Variants in MLX observed in about 807,000 individuals in gnomAD.
The protein encoded by MLX is max-like protein X.
Under a neutral mutation model 33.0 loss-of-function variants are expected in MLX, and 15 were observed. The ratio of observed to expected loss-of-function variants is 0.45; its 90% CI spans 0.30 to 0.70. The LOEUF (loss-of-function observed/expected upper bound fraction) is 0.70, where lower values mean the gene tolerates loss of function less well. MLX is among the 30% of genes least tolerant of loss of function. MLX has a pLI of 0.07. For synonymous variants in MLX, 115 were observed against 115.6 expected, an observed-to-expected ratio of 0.99 and a Z score of 0.03; for missense variants, 285 against 306.3, an observed-to-expected ratio of 0.93 and a Z score of 0.52.
intron 7 of MLX, among the ~76,000 whole-genome samples, chr17:42,571,058 C>CATT (rs1365844146): frequency 6.6e-6 from 1 of 151,942 alleles, no homozygotes; most frequent in Non-Finnish European, 1.5e-5. Flanking sequence ...TTTACCGAAA[C>CATT]ATTTTACTAT....
intron 1 of MLX, 151 bp from the exon 2 acceptor site, chr17:42,567,468 C>T (rs2093012887): frequency 2.1e-6 from 3 of 1,421,160 alleles, no homozygotes; most frequent in Admixed American, 4.5e-5. Flanking sequence ...ATTAAGCTGC[C>T]CGCGCACCCC....
rs760763453 is a variant in MLX at position 42,567,582 on chromosome 17, G to C, written c.43-37G>C. 17 of 1,613,584 alleles carry C rather than the reference G, an allele frequency of 1.1e-5. No homozygotes were observed. The Admixed American group carries it at 2.8e-4, about 27-fold the overall frequency. The stretch of plus-strand genomic sequence containing the variant: ...GAAGGGGCGCCTCCCCCTAGGGGCG[G>C]AGGTCTGACGGGCCCTTCCCGTGCT... On this transcript the variant is annotated intron_variant, in intron 1 of 7. Coordinates refer to ENST00000435881, the MANE Select transcript of MLX (RefSeq NM_198204.2).
rs149230650 is a variant in MLX, at chr17:42,572,988, C to T, written c.*1385C>T. On this transcript the variant is annotated 3_prime_UTR_variant, in exon 8 of 8. Transcript: ENST00000435881. ...GCCCCTCAGGGGTCTGGGAGTGTGA[C>T]GTTGTAATCTTCATCCGTCTCTATC... 2.6e-5 allele frequency: 42 copies of T among 1,614,216 alleles called. No individual in the cohort carries two copies. In the East Asian group the frequency reaches 4.7e-4, roughly 18 times the overall value.
At chr17:42,567,321 G>T in intron 1 of MLX, 155 bp downstream of exon 1, 9 of 1,390,312 alleles carry the variant, frequency 6.5e-6, no homozygotes, top group Non-Finnish European at 8.5e-6. Flanking sequence ...CACCCCGCGT[G>T]TGCCAAGGTG....
rs1209860578 is a variant in MLX at position 42,571,621 on chromosome 17, G to C, written c.*18G>C. The C allele has an allele frequency of 2.5e-6, 4 of 1,607,772 alleles. No homozygotes were observed. Among genetic ancestry groups the C allele is most frequent in the Non-Finnish European group, 3.4e-6 (4 of 1,174,744 alleles). On this transcript the variant is annotated 3_prime_UTR_variant, in exon 8 of 8. Coordinates refer to ENST00000435881, the MANE Select transcript of MLX (RefSeq NM_198204.2). ...TTTACTGACCGGTTCTTGGAAACCT[G>C]GAGAACAGCCAACAAGAGGCCCTTG...
chr17:42,569,504 T>A lies in MLX; in HGVS notation c.377-3T>A, dbSNP rs1254754438. The A allele has an allele frequency of 6.2e-7, 1 of 1,613,138 alleles. No homozygotes were observed. Among genetic ancestry groups the A allele is most frequent in the Non-Finnish European group, 8.5e-7 (1 of 1,179,244 alleles). On this transcript the variant is annotated splice_polypyrimidine_tract_variant and splice_region_variant and intron_variant, in intron 5 of 7. Transcript: ENST00000435881. ...TGTCCTTTTTTTCTTGCCCCCACCC[T>A]AGCCATTGACTACATTCAGTTTTTG...
Position 42,571,986 on chromosome 17 carries a change from T to G in MLX, c.*383T>G. The G allele has an allele frequency of 3.8e-6, 1 of 265,532 alleles. No homozygotes were observed. 16.4% of individuals were successfully genotyped at this position (265,532 alleles called of 1,614,324 possible). A position where few individuals can be genotyped will look rare whatever the true frequency, so the allele number is the denominator to read the frequency against. The stretch of plus-strand genomic sequence containing the variant: ...AACTGTTTTCCTCTGTTTTGGTCTC[T>G]TGGGCAACATTTTTGGCCCAAGTTT... On this transcript the variant is annotated 3_prime_UTR_variant, in exon 8 of 8. Coordinates refer to ENST00000435881, the MANE Select transcript of MLX (RefSeq NM_198204.2).
chr17:42,569,599 ATGAAAGTG>A lies in MLX; in HGVS notation c.471_476+2del. The A allele has an allele frequency of 6.2e-7, 1 of 1,609,252 alleles. No individual in the cohort carries two copies. ...CAAGGATGTCACCGCCCTAAAGATC[ATGAAAGTG>A]TAAGAGGGGTGCTGAATGGGGGGAA... On this transcript the variant is annotated splice_donor_variant and coding_sequence_variant, in exon 6 of 8. Transcript: ENST00000435881. LOFTEE classifies it high-confidence loss of function.
In MLX at chr17:42,572,626, A is replaced by C; in HGVS notation, c.*1023A>C. 2 of 447,916 alleles carry C rather than the reference A, an allele frequency of 4.5e-6. No individual in the cohort carries two copies. The highest frequency in any genetic ancestry group is 2.4e-5 in the Admixed American group (1 of 42,148). 27.7% of individuals were successfully genotyped at this position (447,916 alleles called of 1,614,324 possible). A position where few individuals can be genotyped will look rare whatever the true frequency, so the allele number is the denominator to read the frequency against. On this transcript the variant is annotated 3_prime_UTR_variant, in exon 8 of 8. Coordinates refer to ENST00000435881, the MANE Select transcript of MLX (RefSeq NM_198204.2). ...TTCACTTCTGCCTTCCTCAGGTTTG[A>C]TATCTGGCAGGTTTGACTATCCAGA...
Position 42,567,109 on chromosome 17 carries a change from G to A in MLX, c.-16G>A. 2.4e-6 allele frequency: 3 copies of A among 1,244,090 alleles called. No homozygotes were observed. The allele number at this position is 1,244,090 out of a possible 1,614,324, so 77.1% of individuals were successfully genotyped here. On this transcript the variant is annotated 5_prime_UTR_variant, in exon 1 of 8. Coordinates refer to ENST00000435881, the MANE Select transcript of MLX (RefSeq NM_198204.2). ...GGGCCCGCCCGCTGGCCCGTTTCCG[G>A]TCCGGTGGGTACAAGATGACGGAGC...
At chr17:42,567,443 A>C in intron 1 of MLX, 176 bp from the exon 2 acceptor site, 5 of 1,382,208 alleles carry the variant, frequency 3.6e-6, no homozygotes, top group Non-Finnish European at 4.8e-6. Context: ...AGCCTGTGCC[A>C]GTCTCGGGGG....
Position 42,567,603 on chromosome 17 carries a change from G to T in MLX, c.43-16G>T. The stretch of plus-strand genomic sequence containing the variant: ...GGCGGAGGTCTGACGGGCCCTTCCC[G>T]TGCTCTGTGCCGCAGGTGGAGTATG... On this transcript the variant is annotated splice_polypyrimidine_tract_variant and intron_variant, in intron 1 of 7. Transcript: ENST00000435881. 1 of 1,614,038 alleles carries T rather than the reference G, an allele frequency of 6.2e-7. No individual in the cohort carries two copies. The highest frequency in any genetic ancestry group is 8.5e-7 in the Non-Finnish European group (1 of 1,180,000).
intron 6 of MLX, 112 bp from the exon 7 acceptor site, chr17:42,569,870 C>G (rs1355099613): frequency 9.4e-7 from 1 of 1,061,378 alleles, no homozygotes; most frequent in Non-Finnish European, 1.4e-6. Context: ...CTGAACCCCA[C>G]CCAGAAGCTC....
At chr17:42,569,632 A>G in intron 6 of MLX, 26 bp downstream of exon 6, 2 of 1,580,884 alleles carry the variant, frequency 1.3e-6, no homozygotes, top group South Asian at 1.1e-5. Flanking sequence ...AATGGGGGGA[A>G]CCAGAACTTC....
In MLX at chr17:42,570,129, C is replaced by T; in HGVS notation, c.624C>T (p.Phe208=). 1.9e-6 allele frequency: 3 copies of T among 1,614,104 alleles called. No homozygotes were observed. Among genetic ancestry groups the T allele is most frequent in the South Asian group, 1.1e-5 (1 of 91,082 alleles). Residue 208 remains phenylalanine, a synonymous_variant, in exon 7 of 8, where the codon TTC becomes TTT. Transcript: ENST00000435881. The stretch of plus-strand genomic sequence containing the variant: ...ATGCCTCCATCTCAGTGGCCAGCTT[C>T]CAGGAGCTGTCAGCGTGTGTCTTCA... ...SFNASISVAS[F]QELSACVFSW...
chr17:42,570,740 C>T (rs1020317435), intron 7 of MLX, among the ~76,000 whole-genome samples: 10 of 152,096 alleles, frequency 6.6e-5, no homozygotes, highest in Non-Finnish European at 2.9e-5. Flanking sequence ...ACTGCAACCT[C>T]CGCCTCCCGG....
At chr17:42,570,248 C>T (rs2093025259) in intron 7 of MLX, 65 bp downstream of exon 7, 1 of 1,526,562 alleles carries the variant, frequency 6.6e-7, no homozygotes, top group East Asian at 2.3e-5. Context: ...TGGCCCAAGC[C>T]ATCAGCTGTT....
intron 2 of MLX, 93 bp from the exon 3 acceptor site, chr17:42,568,372 TAAATA>T (rs2093017475): frequency 5.0e-6 from 4 of 798,540 alleles, no homozygotes; most frequent in Middle Eastern, 2.6e-4. Flanking sequence ...AAAAAAAAAA[TAAATA>T]AATAAAAGAA....
At position 42,569,557 on chromosome 17, in the gene MLX, G is replaced by A; in HGVS notation, c.427G>A (p.Glu143Lys). 1 of 1,614,120 alleles carries A rather than the reference G, an allele frequency of 6.2e-7. No homozygotes were observed. The highest frequency in any genetic ancestry group is 8.5e-7 in the Non-Finnish European group (1 of 1,180,038). ...LHKEKKKQEE[E>K]VSTLRKDVTA... ...CAAGGAGAAGAAAAAGCAGGAGGAG[G>A]AGGTGTCCACGTTACGCAAGGATGT... Residue 143 changes from glutamate (E) to lysine (K), a missense_variant, in exon 6 of 8, where the codon GAG becomes AAG. Coordinates refer to ENST00000435881, the MANE Select transcript of MLX (RefSeq NM_198204.2).
Sources: gnomAD v4.1 joint callset for allele counts (sites outside exome capture counted in the v4.1 genomes callset) on GRCh38, gnomAD v4.1.1 for gene constraint, MANE v1.5 for transcripts, NCBI Gene and HGNC (gene_info 2026-07-23, HGNC 2026-07-21) for gene names.